BBS9: variants seen among roughly 807,000 people sequenced by gnomAD.
BBS9 encodes Bardet-Biedl syndrome 9.
BBS9 carries 89 observed loss-of-function variants against 117.7 expected under a neutral mutation model. The observed-to-expected ratio is 0.76, with a 90% CI of 0.64 to 0.90. The LOEUF is 0.90. BBS9 is among the 40% of genes least tolerant of loss of function. The probability of loss-of-function intolerance (pLI) is 0.00; values close to 1 mark genes in which losing one functional copy is unlikely to be tolerated. For synonymous variants in BBS9, 379 were observed against 370.9 expected (o/e 1.02, Z -0.25); for missense variants, 982 against 1,042.2 (o/e 0.94, Z 0.80).
At chr7:33,615,669 G>A (rs1023618190) in intron 21 of BBS9, among the ~76,000 whole-genome samples, 1 of 152,060 alleles carries the variant, frequency 6.6e-6, no homozygotes, top group East Asian at 1.9e-4. Context: ...TAATGACTGA[G>A]AATGTTTTCA....
chr7:33,298,218 G>A (rs1468386339), intron 9 of BBS9, among the ~76,000 whole-genome samples: 1 of 151,752 alleles, frequency 6.6e-6, no homozygotes, highest in Admixed American at 6.6e-5. Flanking sequence ...TTAGTGTTGG[G>A]GTATTATAAA....
At chr7:33,279,767 A>T (rs1412954961) in intron 9 of BBS9, among the ~76,000 whole-genome samples, 2 of 151,994 alleles carry the variant, frequency 1.3e-5, no homozygotes, top group African/African-American at 2.4e-5. Context: ...ATTATTTTCA[A>T]TTTTTGTAGG....
At chr7:33,623,387 G>T (rs1219434813) in intron 21 of BBS9, among the ~76,000 whole-genome samples, 1 of 152,114 alleles carries the variant, frequency 6.6e-6, no homozygotes, top group Non-Finnish European at 1.5e-5. Context: ...ACAAATACCA[G>T]TTGGAAAGGA....
chr7:33,353,842 G>A (rs1457830335), intron 15 of BBS9, among the ~76,000 whole-genome samples: 3 of 151,858 alleles, frequency 2.0e-5, no homozygotes, highest in South Asian at 4.1e-4. Context: ...AGAAGTAAAC[G>A]ATTAGCTTAA....
intron 9 of BBS9, among the ~76,000 whole-genome samples, chr7:33,318,398 C>G (rs913797901): frequency 2.6e-5 from 4 of 151,996 alleles, no homozygotes; most frequent in African/African-American, 9.7e-5. Flanking sequence ...TTTCCCAAGT[C>G]TCTCTTCTTT....
intron 21 of BBS9, among the ~76,000 whole-genome samples, chr7:33,630,808 A>G (rs1865857780): frequency 2.0e-5 from 3 of 151,874 alleles, no homozygotes; most frequent in Non-Finnish European, 2.9e-5. Flanking sequence ...TTCTGCACTC[A>G]CTCATTTATG....
chr7:33,220,666 C>T (rs1361315511), intron 5 of BBS9, among the ~76,000 whole-genome samples: 1 of 152,202 alleles, frequency 6.6e-6, no homozygotes, highest in African/African-American at 2.4e-5. Context: ...CTATGTGATA[C>T]ATTCCTTTAT....
At chr7:33,415,766 G>A (rs1343884458) in intron 19 of BBS9, among the ~76,000 whole-genome samples, 1 of 152,134 alleles carries the variant, frequency 6.6e-6, no homozygotes, top group African/African-American at 2.4e-5. Flanking sequence ...ATAGGAATAA[G>A]CCAGCTTCAT....
chr7:33,546,370 TA>T (rs1297976085), intron 21 of BBS9, among the ~76,000 whole-genome samples: 1 of 152,242 alleles, frequency 6.6e-6, no homozygotes, highest in Non-Finnish European at 1.5e-5. Flanking sequence ...CACAATTACT[TA>T]ATGAATATTC....
intron 5 of BBS9, among the ~76,000 whole-genome samples, chr7:33,210,008 T>C (rs1305711155): frequency 6.6e-6 from 1 of 152,154 alleles, no homozygotes; most frequent in Non-Finnish European, 1.5e-5. Context: ...GTTTTTATTC[T>C]TTTTTGATGT....
At chr7:33,277,663 A>G (rs1801012152) in intron 9 of BBS9, among the ~76,000 whole-genome samples, 1 of 152,082 alleles carries the variant, frequency 6.6e-6, no homozygotes, top group Non-Finnish European at 1.5e-5. Context: ...TGGCTAGGCA[A>G]TGGGTGCTTG....
chr7:33,367,861 T>C lies in BBS9; in HGVS notation c.1788T>C (p.Ser596=), dbSNP rs756516084. 5 of 1,613,476 alleles carry C rather than the reference T, an allele frequency of 3.1e-6. No homozygotes were observed. In the South Asian group the frequency reaches 3.3e-5, roughly 11 times the overall value. The part of the protein sequence containing the change: ...ARITVLASKT[S]QRYRIQSEQF... ...TTACTGTTCTTGCTTCCAAAACTTCTCGTAAGTAAAACCATGTTATCATTG... is the reference window on the plus strand; with the variant it reads ...TTACTGTTCTTGCTTCCAAAACTTCCCGTAAGTAAAACCATGTTATCATTG... The change falls in exon 17 of 23, where the codon TCT becomes TCC. Residue 596 remains serine, a splice_region_variant and synonymous_variant. Coordinates refer to ENST00000242067, the MANE Select transcript of BBS9 (RefSeq NM_198428.3).
chr7:33,496,404 C>G (rs1400269807), intron 19 of BBS9, among the ~76,000 whole-genome samples: 1 of 151,748 alleles, frequency 6.6e-6, no homozygotes, highest in Non-Finnish European at 1.5e-5. Context: ...CCTCAGGAGG[C>G]TGAGGCAGGA....
chr7:33,496,090 G>A (rs2129002855), intron 19 of BBS9, among the ~76,000 whole-genome samples: 1 of 152,080 alleles, frequency 6.6e-6, no homozygotes, highest in East Asian at 1.9e-4. Context: ...GGATCAGGTG[G>A]TTTAGCTCAT....
At chr7:33,246,131 A>G (rs1583855227) in intron 5 of BBS9, among the ~76,000 whole-genome samples, 1 of 152,172 alleles carries the variant, frequency 6.6e-6, no homozygotes, top group East Asian at 1.9e-4. Flanking sequence ...AAGGACATTT[A>G]AGAGATCAAA....
intron 17 of BBS9, among the ~76,000 whole-genome samples, chr7:33,374,832 C>T (rs1021274522): frequency 3.6e-5 from 5 of 139,528 alleles, no homozygotes; most frequent in Admixed American, 8.1e-5. Flanking sequence ...ACCTGCCAGA[C>T]GGAGGTTGCA....
intron 5 of BBS9, among the ~76,000 whole-genome samples, chr7:33,204,479 A>G (rs530192792): frequency 2.6e-5 from 4 of 152,138 alleles, no homozygotes; most frequent in South Asian, 4.2e-4. Context: ...GGAACAAATA[A>G]TGAAGCACAC....
chr7:33,547,318 C>A (rs772776560), intron 21 of BBS9, among the ~76,000 whole-genome samples: 21 of 152,146 alleles, frequency 1.4e-4, no homozygotes, highest in Non-Finnish European at 2.2e-4. Context: ...GTTTTAATTT[C>A]TTCTCCTTTT....
chr7:33,573,473 A>G (rs945049694), intron 21 of BBS9, among the ~76,000 whole-genome samples: 1 of 152,154 alleles, frequency 6.6e-6, no homozygotes, highest in Non-Finnish European at 1.5e-5. Context: ...AGGTTCTACC[A>G]GTTCATAGAG....
Sources: allele counts gnomAD v4.1 joint callset (sites outside exome capture counted in the v4.1 genomes callset), GRCh38; gene constraint gnomAD v4.1.1; transcripts MANE v1.5; gene names NCBI Gene and HGNC (gene_info 2026-07-23, HGNC 2026-07-21).